CIB2: variants seen among roughly 807,000 people sequenced by gnomAD.
CIB2 encodes the protein calcium and integrin-binding family member 2.
In CIB2, 19 loss-of-function variants were observed where a neutral mutation model predicts 23.1. That is an observed-to-expected ratio of 0.82 (90% confidence interval 0.57 to 1.21). CIB2 has a LOEUF of 1.21. CIB2 is among the 50% of genes most tolerant of loss of function. The pLI is 0.00. For missense variants in CIB2, 220 were observed against 241.5 expected, an observed-to-expected ratio of 0.91 and a Z score of 0.59; for synonymous variants, 94 against 91.7, an observed-to-expected ratio of 1.03 and a Z score of -0.14.
chr15:78,122,375 C>T (rs1487704253), intron 2 of CIB2, among the ~76,000 whole-genome samples: 1 of 152,198 alleles, frequency 6.6e-6, no homozygotes, highest in Non-Finnish European at 1.5e-5. Context: ...AGACAGGCAG[C>T]TTGGGCTTGG....
chr15:78,130,860 G>A (rs374551910), intron 1 of CIB2, among the ~76,000 whole-genome samples: 25 of 152,288 alleles, frequency 1.6e-4, no homozygotes, highest in African/African-American at 5.5e-4. Context: ...CTCCCTCTCC[G>A]GGCCAGATGG....
At chr15:78,109,469 T>C (rs1431209325) in intron 3 of CIB2, 87 bp from the exon 4 acceptor site, 1 of 1,513,736 alleles carries the variant, frequency 6.6e-7, no homozygotes, top group Non-Finnish European at 9.1e-7. Flanking sequence ...TGTGTGACCC[T>C]GGAGGAGTGA....
intron 2 of CIB2, among the ~76,000 whole-genome samples, chr15:78,114,847 C>CT (rs1328998569): frequency 6.7e-6 from 1 of 149,650 alleles, no homozygotes; most frequent in African/African-American, 2.5e-5. Flanking sequence ...ACTCAGGAGG[C>CT]TAAAGTAGGA....
intron 4 of CIB2, among the ~76,000 whole-genome samples, chr15:78,108,827 G>GC (rs550507144): frequency 4.9e-4 from 75 of 152,186 alleles, no homozygotes; most frequent in Middle Eastern, 3.4e-3. Context: ...GACTCATACC[G>GC]CCCCCTGTCC....
In CIB2 at chr15:78,119,578, T is replaced by A. The variant is rs138499166; in HGVS notation, c.86+4127A>T. 3.5e-3 allele frequency among the ~76,000 whole-genome samples: 527 copies of A among 152,284 alleles called. 1 individual carries two copies. The highest frequency in any genetic ancestry group is 0.012 in the African/African-American group (492 of 41,552). On this transcript the variant is annotated intron_variant, in intron 2 of 5. Coordinates refer to ENST00000258930, the MANE Select transcript of CIB2 (RefSeq NM_006383.4). The stretch of plus-strand genomic sequence containing the variant: ...AATTTTAAGCATATATATACTTTTT[T>A]TTTTTTGAGATGGAGTCTCGCTTTG...
At chr15:78,108,426 G>C (rs2074103001) in intron 4 of CIB2, among the ~76,000 whole-genome samples, 2 of 152,112 alleles carry the variant, frequency 1.3e-5, no homozygotes, top group Admixed American at 1.3e-4. Context: ...GGGTCTGTCA[G>C]GCCAGCAGAG....
At chr15:78,106,063 G>A (rs1464836098) in intron 4 of CIB2, 129 bp from the exon 5 acceptor site, 2 of 736,030 alleles carry the variant, frequency 2.7e-6, no homozygotes, top group Admixed American at 2.4e-5. Context: ...GCATCTCCAT[G>A]CACACTCTTG....
chr15:78,105,126 G>T lies in CIB2; in HGVS notation c.*185C>A, dbSNP rs11633444. 2 of 772,362 alleles carry T rather than the reference G, an allele frequency of 2.6e-6. No individual in the cohort carries two copies. Among genetic ancestry groups the T allele is most frequent in the Non-Finnish European group, 4.1e-6 (2 of 493,300 alleles). 47.8% of individuals were successfully genotyped at this position (772,362 alleles called of 1,614,324 possible). ...TGGACCACAGCGGGGCTGTGGGAAG[G>T]GTCCTAACCTTCACAGGCCCCCTTC... On this transcript the variant is annotated 3_prime_UTR_variant, in exon 6 of 6. Transcript: ENST00000258930.
At chr15:78,123,397 G>C (rs2074343906) in intron 2 of CIB2, among the ~76,000 whole-genome samples, 1 of 151,412 alleles carries the variant, frequency 6.6e-6, no homozygotes, top group Non-Finnish European at 1.5e-5. Flanking sequence ...CTGTCAAATG[G>C]GGATAAATGG....
chr15:78,121,711 T>G (rs2074321683), intron 2 of CIB2, among the ~76,000 whole-genome samples: 1 of 152,200 alleles, frequency 6.6e-6, no homozygotes, highest in African/African-American at 2.4e-5. Context: ...ATTGTAAGTT[T>G]CCTGAGGCCT....
chr15:78,121,666 T>C (rs886215654), intron 2 of CIB2, among the ~76,000 whole-genome samples: 1 of 152,214 alleles, frequency 6.6e-6, no homozygotes, highest in African/African-American at 2.4e-5. Flanking sequence ...TGCCGCCATG[T>C]GAGGAAGGAT....
chr15:78,107,635 C>T (rs940286615), intron 4 of CIB2, among the ~76,000 whole-genome samples: 4 of 152,190 alleles, frequency 2.6e-5, no homozygotes, highest in Non-Finnish European at 4.4e-5. Context: ...TATTCCTGTG[C>T]CCACCCGGTC....
intron 2 of CIB2, 61 bp downstream of exon 2, chr15:78,123,644 C>A (rs2074346878): frequency 5.7e-6 from 9 of 1,574,080 alleles, no homozygotes; most frequent in Non-Finnish European, 5.2e-6. Context: ...ATGTGGGGTG[C>A]CCCAGCCTCA....
At chr15:78,109,630 C>T (rs2141888189) in intron 3 of CIB2, 1 of 533,792 alleles carries the variant, frequency 1.9e-6, no homozygotes, top group Non-Finnish European at 3.4e-6. Context: ...AAGCATTCTA[C>T]TGGGTCATGT....
chr15:78,127,905 C>T (rs1048274157), intron 1 of CIB2, among the ~76,000 whole-genome samples: 2 of 152,238 alleles, frequency 1.3e-5, no homozygotes, highest in Admixed American at 6.5e-5. Flanking sequence ...CAGAAGGGAA[C>T]AGTGGCTTGC....
chr15:78,125,259 A>G (rs992279597), intron 1 of CIB2, among the ~76,000 whole-genome samples: 3 of 152,152 alleles, frequency 2.0e-5, no homozygotes, highest in African/African-American at 7.2e-5. Flanking sequence ...CTCCAGAAAC[A>G]TGGTGCAGAA....
At chr15:78,107,722 C>T (rs2074092413) in intron 4 of CIB2, among the ~76,000 whole-genome samples, 1 of 152,142 alleles carries the variant, frequency 6.6e-6, no homozygotes, top group African/African-American at 2.4e-5. Context: ...CAAGACCGGG[C>T]GGATGTTGGG....
At chr15:78,118,149 A>G (rs1318742095) in intron 2 of CIB2, among the ~76,000 whole-genome samples, 3 of 152,240 alleles carry the variant, frequency 2.0e-5, no homozygotes, top group African/African-American at 7.2e-5. Flanking sequence ...AAGGTACAGT[A>G]TAATCCCATT....
chr15:78,114,489 G>A (rs2074209241), intron 2 of CIB2, among the ~76,000 whole-genome samples: 1 of 152,176 alleles, frequency 6.6e-6, no homozygotes, highest in South Asian at 2.1e-4. Context: ...CCATACTTAC[G>A]CTACTTGAAC....
Sources: gnomAD v4.1 joint callset for allele counts (sites outside exome capture counted in the v4.1 genomes callset) on GRCh38, gnomAD v4.1.1 for gene constraint, MANE v1.5 for transcripts, NCBI Gene and HGNC (gene_info 2026-07-23, HGNC 2026-07-21) for gene names.